CNTN5: variants seen among roughly 807,000 people sequenced by gnomAD.
CNTN5 encodes contactin-5.
A neutral mutation model predicts 129.1 loss-of-function variants in CNTN5; 77 were observed. That is an observed-to-expected ratio of 0.60 (90% confidence interval 0.50 to 0.72). CNTN5 has a LOEUF of 0.72. Among genes scored for constraint, CNTN5 ranks in the 30% least tolerant of loss-of-function variants. The probability of loss-of-function intolerance (pLI) is 0.00; values close to 1 mark genes in which losing one functional copy is unlikely to be tolerated. For missense variants in CNTN5, 1,478 were observed against 1,328.8 expected (o/e 1.11, Z -1.75); for synonymous variants, 509 against 465.6 (o/e 1.09, Z -1.20).
At chr11:99,185,378 T>C (rs1313518407) in intron 1 of CNTN5, among the ~76,000 whole-genome samples, 4 of 151,908 alleles carry the variant, frequency 2.6e-5, no homozygotes, top group South Asian at 2.1e-4. Flanking sequence ...TTGTAAATGA[T>C]AGGTTAAGAA....
At chr11:100,238,094 T>G (rs73561267) in intron 16 of CNTN5, among the ~76,000 whole-genome samples, 8,580 of 152,102 alleles carry the variant, frequency 0.056, 822 homozygotes, top group African/African-American at 0.2. Context: ...AAATTCAAGG[T>G]GAGCAAAAAG....
chr11:99,439,721 A>AAAAG (rs1555145292), intron 2 of CNTN5, among the ~76,000 whole-genome samples: 326 of 145,722 alleles, frequency 2.2e-3, no homozygotes, highest in Admixed American at 5.4e-3. Flanking sequence ...AAAAAAAAAA[A>AAAAG]AAAAGAAAAA....
intron 21 of CNTN5, among the ~76,000 whole-genome samples, chr11:100,338,599 C>T (rs1301754209): frequency 6.6e-6 from 1 of 152,200 alleles, no homozygotes; most frequent in Non-Finnish European, 1.5e-5. Flanking sequence ...CTTCATCAGA[C>T]TTGTGACAGG....
intron 1 of CNTN5, among the ~76,000 whole-genome samples, chr11:99,199,866 C>G (rs1859082894): frequency 6.6e-6 from 1 of 152,148 alleles, no homozygotes; most frequent in Non-Finnish European, 1.5e-5. Context: ...CTTCCACATT[C>G]TACTTTAAAT....
chr11:99,047,381 CA>C (rs539810763), intron 1 of CNTN5, among the ~76,000 whole-genome samples: 1,251 of 79,096 alleles, frequency 0.016, 22 homozygotes, highest in Admixed American at 0.076. Context: ...TGAATTTTGG[CA>C]AAAAAAAAAA....
chr11:99,617,713 T>G (rs1950804714), intron 3 of CNTN5, among the ~76,000 whole-genome samples: 1 of 152,120 alleles, frequency 6.6e-6, no homozygotes, highest in Non-Finnish European at 1.5e-5. Context: ...ACAGAAGAAC[T>G]TAACACATGA....
At chr11:99,489,042 TAA>T (rs55747043) in intron 2 of CNTN5, among the ~76,000 whole-genome samples, 5 of 149,956 alleles carry the variant, frequency 3.3e-5, no homozygotes, top group African/African-American at 1.2e-4. Flanking sequence ...TTGCCAAGGA[TAA>T]AAAAAAAATA....
chr11:99,357,476 GCTCCTCCCCACCCCCACCACACACACA>G (rs1211192384), intron 2 of CNTN5, among the ~76,000 whole-genome samples: 1 of 151,616 alleles, frequency 6.6e-6, no homozygotes, highest in Non-Finnish European at 1.5e-5. Flanking sequence ...ACACACACAC[GCTCCTCCCCACCCCCACCACACACACA>G]CTCTAAGGTT....
intron 3 of CNTN5, among the ~76,000 whole-genome samples, chr11:99,656,750 CAGG>C (rs2135900897): frequency 6.6e-6 from 1 of 152,206 alleles, no homozygotes; most frequent in African/African-American, 2.4e-5. Flanking sequence ...ACCAGGAAAA[CAGG>C]AGATCAGCAA....
chr11:99,686,285 G>A (rs984243934), intron 3 of CNTN5, among the ~76,000 whole-genome samples: 3 of 152,006 alleles, frequency 2.0e-5, no homozygotes. Flanking sequence ...TCTGTTGACA[G>A]AAATTTCTTT....
intron 13 of CNTN5, among the ~76,000 whole-genome samples, chr11:100,108,115 G>A (rs1398884108): frequency 1.3e-5 from 2 of 151,522 alleles, no homozygotes; most frequent in African/African-American, 4.9e-5. Flanking sequence ...AAGAGTTTGA[G>A]GTCATACTTG....
intron 13 of CNTN5, among the ~76,000 whole-genome samples, chr11:100,078,774 TATA>T (rs1032710464): frequency 1.3e-5 from 2 of 152,126 alleles, no homozygotes; most frequent in Admixed American, 6.6e-5. Flanking sequence ...GAATGTTATG[TATA>T]ATGATAATGA....
intron 1 of CNTN5, among the ~76,000 whole-genome samples, chr11:99,105,986 A>G (rs1203329826): frequency 6.6e-6 from 1 of 152,186 alleles, no homozygotes; most frequent in East Asian, 1.9e-4. Context: ...ATTCCCTTAT[A>G]ATCACACATG....
intron 3 of CNTN5, among the ~76,000 whole-genome samples, chr11:99,815,789 C>G (rs939099807): frequency 1.3e-5 from 2 of 152,116 alleles, no homozygotes; most frequent in African/African-American, 4.8e-5. Context: ...TAACTGAATC[C>G]ACTTTCTCTG....
At chr11:100,289,134 A>G (rs980541477) in intron 18 of CNTN5, among the ~76,000 whole-genome samples, 25 of 152,092 alleles carry the variant, frequency 1.6e-4, no homozygotes, top group African/African-American at 4.6e-4. Flanking sequence ...ACCAACCAAA[A>G]AGAGTCCAGG....
intron 9 of CNTN5, among the ~76,000 whole-genome samples, chr11:100,030,921 T>C (rs1414934755): frequency 6.6e-6 from 1 of 152,114 alleles, no homozygotes; most frequent in African/African-American, 2.4e-5. Context: ...ATTTCCCAAA[T>C]ACAATTTTTT....
intron 21 of CNTN5, among the ~76,000 whole-genome samples, chr11:100,322,846 T>A (rs75477739): frequency 0.019 from 2,968 of 152,262 alleles, 97 homozygotes; most frequent in African/African-American, 0.068. Flanking sequence ...GTTATGAAAA[T>A]TTTTAAAAAT....
chr11:100,316,791 T>C (rs1951580884), intron 21 of CNTN5, among the ~76,000 whole-genome samples: 1 of 152,256 alleles, frequency 6.6e-6, no homozygotes. Context: ...ACTGTATTTT[T>C]ATCTTTTTAA....
intron 2 of CNTN5, among the ~76,000 whole-genome samples, chr11:99,464,753 T>C (rs1484153021): frequency 6.6e-6 from 1 of 152,076 alleles, no homozygotes; most frequent in Non-Finnish European, 1.5e-5. Context: ...GCAGTGTTTT[T>C]CCCCCAAACA....
Sources: gnomAD v4.1 joint callset for allele counts (sites outside exome capture counted in the v4.1 genomes callset) on GRCh38, gnomAD v4.1.1 for gene constraint, MANE v1.5 for transcripts, NCBI Gene and HGNC (gene_info 2026-07-23, HGNC 2026-07-21) for gene names.